Variants in C6orf141 observed in about 807,000 individuals in gnomAD.
The protein encoded by C6orf141 is uncharacterized protein C6orf141.
For missense variants in C6orf141, 361 were observed against 335.8 expected (o/e 1.07, Z -0.59); for synonymous variants, 164 against 140.5 (o/e 1.17, Z -1.18).
At chr6:49,558,806 C>T (rs1468882594) in intron 4 of C6orf141, among the ~76,000 whole-genome samples, 2 of 151,904 alleles carry the variant, frequency 1.3e-5, no homozygotes, top group Non-Finnish European at 2.9e-5. Flanking sequence ...CTCCTGGGTC[C>T]ACGTGATTCT....
At chr6:49,552,853 A>T (rs926724046), downstream of C6orf141, 1 of 152,248 alleles carries the variant, frequency 6.6e-6, no homozygotes, top group African/African-American at 2.4e-5. Flanking sequence ...GGTTTGGGGC[A>T]GCCTTTAGAG....
downstream of C6orf141, among the ~76,000 whole-genome samples, chr6:49,554,589 G>A (rs1239920809): frequency 1.3e-5 from 2 of 151,994 alleles, no homozygotes; most frequent in African/African-American, 2.4e-5. Flanking sequence ...CACCGTGTTA[G>A]CCAGGATGAT....
rs1290544337 is a variant in C6orf141, at chr6:49,551,215, T to C, written c.423T>C (p.Ser141=). The stretch of plus-strand genomic sequence containing the variant: ...TCTTTCAACGACAAAAGCGAATTTC[T>C]GGCAGGCGTGTAGCCCCGCCGCGGG... ...PSVFQRQKRI[S]GRRVAPPRDA... Residue 141 remains serine, a synonymous_variant, in exon 1 of 1, where the codon TCT becomes TCC. Transcript: ENST00000529246. The C allele has an allele frequency of 2.6e-6, 4 of 1,551,422 alleles. No homozygotes were observed. Among genetic ancestry groups the C allele is most frequent in the Non-Finnish European group, 3.5e-6 (4 of 1,146,922 alleles).
At chr6:49,556,035 T>C (rs1771868123), downstream of C6orf141, among the ~76,000 whole-genome samples, 1 of 152,242 alleles carries the variant, frequency 6.6e-6, no homozygotes, top group Non-Finnish European at 1.5e-5. Flanking sequence ...GATCTGTATA[T>C]AAACAAACAT....
rs1009541696 is a variant in C6orf141, at chr6:49,550,674, C to A, written c.-119C>A. The stretch of plus-strand genomic sequence containing the variant: ...GTTAGCCTGGGGCTGATCTAGTCTT[C>A]AGCTTTCACCGGCTGGGAGTCCGGA... On this transcript the variant is annotated 5_prime_UTR_variant, in exon 1 of 1. Transcript: ENST00000529246. The A allele has an allele frequency of 4.3e-6, 4 of 929,672 alleles. No homozygotes were observed. The African/African-American group carries it at 6.9e-5, about 16-fold the overall frequency. 57.6% of individuals were successfully genotyped at this position (929,672 alleles called of 1,614,324 possible).
rs746447848 is a variant in C6orf141 at position 49,550,978 on chromosome 6, C to G, written c.186C>G (p.His62Gln). ...CGAGCCGAAGCCAGGGCGGCGGCCA[C>G]GAGGACAGAACGGCAGATCGGGCCC... ...AGASRSQGGG[H>Q]EDRTADRALG... The change falls in exon 1 of 1, where the codon CAC becomes CAG. Residue 62 changes from histidine (H) to glutamine (Q), a missense_variant. Transcript: ENST00000529246. 5 of 1,550,622 alleles carry G rather than the reference C, an allele frequency of 3.2e-6. No homozygotes were observed. In the East Asian group the frequency reaches 1.2e-4, roughly 38 times the overall value.
At chr6:49,554,058 G>T (rs895094094), downstream of C6orf141, among the ~76,000 whole-genome samples, 1 of 152,100 alleles carries the variant, frequency 6.6e-6, no homozygotes. Context: ...ACCTTTAATG[G>T]ATCAGTAAGT....
chr6:49,551,562 G>C lies in C6orf141; in HGVS notation c.*35G>C. The C allele has an allele frequency of 6.5e-7, 1 of 1,543,784 alleles. No individual in the cohort carries two copies. ...CGAGAAATGTTCCGGGATGGTGGAT[G>C]AGCGATCATCCTTAAAAGAAAATGC... On this transcript the variant is annotated 3_prime_UTR_variant, in exon 1 of 1. Coordinates refer to ENST00000529246, the MANE Select transcript of C6orf141 (RefSeq NM_001145652.2).
At position 49,551,969 on chromosome 6, in the gene C6orf141, A is replaced by G. The variant is rs770103368; in HGVS notation, c.*442A>G. On this transcript the variant is annotated 3_prime_UTR_variant, in exon 1 of 1. Transcript: ENST00000529246. ...AAGAGGCTTGTTTTAAAAGCCAAAA[A>G]CAGAAAGTAAAAAGAAATGGGAAAG... 9.9e-7 allele frequency: 1 copy of G among 1,009,366 alleles called. No individual in the cohort carries two copies. Among genetic ancestry groups the G allele is most frequent in the Non-Finnish European group, 1.2e-6 (1 of 836,194 alleles). The allele number at this position is 1,009,366 out of a possible 1,614,324, so 62.5% of individuals were successfully genotyped here.
In C6orf141 at chr6:49,559,465, G is replaced by T. The variant is rs141969190; in HGVS notation, c.*764-2239G>T. Among the ~76,000 whole-genome samples the T allele has an allele frequency of 3.7e-3, 565 of 151,992 alleles. 5 individuals carry two copies. The highest frequency in any genetic ancestry group is 0.013 in the African/African-American group (536 of 41,442). ...ACATCCAAAATGCTATGTAATGGAT[G>T]AGTGCTACTTACTGAAAGCAAAGTC... On this transcript the variant is annotated intron_variant and NMD_transcript_variant, in intron 4 of 4. Coordinates refer to the C6orf141 transcript ENST00000371194.
chr6:49,559,037 T>C (rs1772687432), intron 4 of C6orf141, among the ~76,000 whole-genome samples: 1 of 151,596 alleles, frequency 6.6e-6, no homozygotes, highest in African/African-American at 2.4e-5. Context: ...AATTAGGCTT[T>C]AGTCTTTAAT....
chr6:49,561,593 A>T (rs1270517028), intron 4 of C6orf141: 1 of 152,262 alleles, frequency 6.6e-6, no homozygotes, highest in African/African-American at 2.4e-5. Context: ...AAATAAGAAA[A>T]TAGCAAAATG....
chr6:49,559,468 T>C (rs1390246292), intron 4 of C6orf141, among the ~76,000 whole-genome samples: 1 of 151,880 alleles, frequency 6.6e-6, no homozygotes, highest in African/African-American at 2.4e-5. Flanking sequence ...AATGGATGAG[T>C]GCTACTTACT....
At chr6:49,556,889 C>T (rs1220643371), downstream of C6orf141, among the ~76,000 whole-genome samples, 3 of 152,204 alleles carry the variant, frequency 2.0e-5, no homozygotes, top group Non-Finnish European at 4.4e-5. Flanking sequence ...TAGTCACAAA[C>T]AAAACATTAA....
intron 4 of C6orf141, among the ~76,000 whole-genome samples, chr6:49,558,063 T>C (rs1016819988): frequency 7.9e-6 from 1 of 126,828 alleles, no homozygotes; most frequent in Admixed American, 8.9e-5. Context: ...AAATATGTTT[T>C]TTTTTTTTTT....
At position 49,551,126 on chromosome 6, in the gene C6orf141, G is replaced by A. The variant is rs1410916825; in HGVS notation, c.334G>A (p.Gly112Ser). The A allele has an allele frequency of 2.6e-6, 4 of 1,551,584 alleles. No individual in the cohort carries two copies. The East Asian group carries it at 7.3e-5, about 28-fold the overall frequency. ...GGACCCTGCACGGGAAGAGGTGGCC[G>A]GTGCAGAGGACCTTCCTCATGCGGG... ...RGDPAREEVA[G>S]AEDLPHAGGE... The change falls in exon 1 of 1, where the codon GGT (glycine) becomes AGT (serine). Residue 112 changes from glycine (G) to serine (S), a missense_variant. By Grantham distance (56) the Gly-to-Ser change is moderately conservative. Coordinates refer to ENST00000529246, the MANE Select transcript of C6orf141 (RefSeq NM_001145652.2).
intron 4 of C6orf141, among the ~76,000 whole-genome samples, chr6:49,557,977 C>T (rs892742908): frequency 1.4e-4 from 22 of 151,934 alleles, no homozygotes; most frequent in Admixed American, 1.4e-3. Flanking sequence ...CTGCAACCTC[C>T]GCCTCCCGGG....
Position 49,551,321 on chromosome 6 carries a change from G to T in C6orf141, c.529G>T (p.Ala177Ser). 1 of 1,551,724 alleles carries T rather than the reference G, an allele frequency of 6.4e-7. No homozygotes were observed. The highest frequency in any genetic ancestry group is 1.2e-5 in the South Asian group (1 of 84,056). The change falls in exon 1 of 1, where the codon GCC becomes TCC. Residue 177 changes from alanine (A) to serine (S), a missense_variant. Coordinates refer to ENST00000529246, the MANE Select transcript of C6orf141 (RefSeq NM_001145652.2). ...ACAAGAAGTGTTGCAGACCTCCTGG[G>T]CCAAGGGTCGCATGACCACGAGGAC... ...VTQEVLQTSW[A>S]KGRMTTRTEE...
intron 4 of C6orf141, among the ~76,000 whole-genome samples, chr6:49,558,415 A>C (rs1290890866): frequency 1.3e-5 from 2 of 151,440 alleles, no homozygotes; most frequent in Non-Finnish European, 2.9e-5. Flanking sequence ...AAAAAAAAAA[A>C]AAAAAGAGAG....
Sources: gnomAD v4.1 joint callset for allele counts (sites outside exome capture counted in the v4.1 genomes callset) on GRCh38, gnomAD v4.1.1 for gene constraint, MANE v1.5 for transcripts, NCBI Gene and HGNC (gene_info 2026-07-23, HGNC 2026-07-21) for gene names.